Variants in SVIL observed in about 807,000 individuals in gnomAD.
SVIL encodes supervillin, also known as archvillin.
In SVIL, 101 loss-of-function variants were observed where a neutral mutation model predicts 240.4. That is an observed-to-expected ratio of 0.42 (90% CI 0.36 to 0.50). The LOEUF (loss-of-function observed/expected upper bound fraction) is 0.50. Among genes scored for constraint, SVIL ranks in the 20% least tolerant of loss-of-function variants. The pLI, the probability that SVIL is intolerant of heterozygous loss-of-function variation, is 0.01. For synonymous variants in SVIL, 999 were observed against 1,100.0 expected, an observed-to-expected ratio of 0.91 and a Z score of 1.82; for missense variants, 2,512 against 2,818.7, an observed-to-expected ratio of 0.89 and a Z score of 2.46.
At chr10:29,712,620 A>C (rs1256495281) in intron 1 of SVIL, among the ~76,000 whole-genome samples, 1 of 152,196 alleles carries the variant, frequency 6.6e-6, no homozygotes, top group Non-Finnish European at 1.5e-5. Flanking sequence ...TTATAGCAAC[A>C]CTAAAGGGAC....
At chr10:29,652,817 T>C (rs1958880866) in intron 3 of SVIL, among the ~76,000 whole-genome samples, 1 of 152,198 alleles carries the variant, frequency 6.6e-6, no homozygotes, top group South Asian at 2.1e-4. Context: ...CTCATGTGCT[T>C]AATAGTTATT....
intron 1 of SVIL, among the ~76,000 whole-genome samples, chr10:29,691,468 C>A (rs1348259207): frequency 6.6e-6 from 1 of 152,168 alleles, no homozygotes; most frequent in Non-Finnish European, 1.5e-5. Flanking sequence ...ACCTGGGCCT[C>A]CCAAAGTGCT....
intron 1 of SVIL, among the ~76,000 whole-genome samples, chr10:29,714,259 C>T (rs1022928751): frequency 6.6e-5 from 10 of 152,132 alleles, no homozygotes; most frequent in Non-Finnish European, 1.0e-4. Context: ...CATCTCCATC[C>T]CGAGGGATTT....
At chr10:29,729,320 G>A (rs1185257864) in intron 1 of SVIL, among the ~76,000 whole-genome samples, 1 of 152,086 alleles carries the variant, frequency 6.6e-6, no homozygotes, top group Non-Finnish European at 1.5e-5. Flanking sequence ...GAATTTTGTA[G>A]CATCCCAAGA....
At chr10:29,502,409 GT>G (rs1440773034) in intron 17 of SVIL, among the ~76,000 whole-genome samples, 2 of 151,878 alleles carry the variant, frequency 1.3e-5, no homozygotes, top group Non-Finnish European at 2.9e-5. Flanking sequence ...TTATTGTCTT[GT>G]TTTTTTCCTT....
chr10:29,592,785 C>G (rs751164771), intron 1 of SVIL, among the ~76,000 whole-genome samples: 1 of 152,132 alleles, frequency 6.6e-6, no homozygotes, highest in Non-Finnish European at 1.5e-5. Flanking sequence ...TACACTGAGT[C>G]TAAACAAAAT....
intron 1 of SVIL, among the ~76,000 whole-genome samples, chr10:29,696,206 G>T (rs948026168): frequency 6.6e-6 from 1 of 151,820 alleles, no homozygotes; most frequent in Non-Finnish European, 1.5e-5. Flanking sequence ...CGCCAGCCTC[G>T]GCCTCCCGAG....
At chr10:29,609,886 C>T (rs1339762551) in intron 1 of SVIL, among the ~76,000 whole-genome samples, 2 of 152,208 alleles carry the variant, frequency 1.3e-5, no homozygotes, top group African/African-American at 2.4e-5. Flanking sequence ...AAGCTGAGCA[C>T]ATCTTACTGG....
intron 3 of SVIL, among the ~76,000 whole-genome samples, chr10:29,562,946 G>T (rs1253520872): frequency 6.6e-6 from 1 of 152,078 alleles, no homozygotes; most frequent in Non-Finnish European, 1.5e-5. Context: ...TGTCTCACCC[G>T]CCACACCCAG....
intron 33 of SVIL, among the ~76,000 whole-genome samples, chr10:29,467,475 G>GA (rs1945057555): frequency 6.6e-6 from 1 of 152,026 alleles, no homozygotes; most frequent in African/African-American, 2.4e-5. Context: ...CCCCTGGGAA[G>GA]AAAAAAACTG....
intron 1 of SVIL, among the ~76,000 whole-genome samples, chr10:29,631,381 T>C (rs993057937): frequency 6.6e-6 from 1 of 151,770 alleles, no homozygotes; most frequent in Non-Finnish European, 1.5e-5. Context: ...CGGTGGCTCA[T>C]GCCTGTAATC....
chr10:29,722,880 A>G (rs556734258), intron 1 of SVIL, among the ~76,000 whole-genome samples: 2 of 152,194 alleles, frequency 1.3e-5, no homozygotes, highest in Non-Finnish European at 2.9e-5. Flanking sequence ...CCCTGGAATC[A>G]GAAGATCTTG....
chr10:29,563,166 C>A, intron 3 of SVIL, 35 bp downstream of exon 3: 1 of 796,248 alleles, frequency 1.3e-6, no homozygotes, highest in South Asian at 5.7e-5. Context: ...TACGCATCTA[C>A]CCAGACATGG....
chr10:29,512,026 C>T (rs1181169932), intron 17 of SVIL, among the ~76,000 whole-genome samples: 2 of 152,206 alleles, frequency 1.3e-5, no homozygotes, highest in Non-Finnish European at 2.9e-5. Context: ...TGCATCATTT[C>T]GCCTCCAGCC....
At chr10:29,534,864 G>A (rs912196624) in intron 7 of SVIL, among the ~76,000 whole-genome samples, 1 of 152,168 alleles carries the variant, frequency 6.6e-6, no homozygotes, top group African/African-American at 2.4e-5. Flanking sequence ...CTTATTTTTG[G>A]TTTTTGAAGT....
intron 1 of SVIL, among the ~76,000 whole-genome samples, chr10:29,694,042 C>G (rs1235683847): frequency 6.6e-6 from 1 of 152,000 alleles, no homozygotes; most frequent in South Asian, 2.1e-4. Flanking sequence ...CCAGTGTCCT[C>G]TCCCATCCCA....
rs1223527801 is a variant in SVIL, at chr10:29,493,224, A to G, written c.4009T>C (p.Tyr1337His). Residue 1337 changes from tyrosine to histidine, a missense_variant, in exon 21 of 38, where the codon TAT becomes CAT. Physicochemically the swap from Tyr to His is moderately conservative, Grantham distance 83 (BLOSUM62 2). Transcript: ENST00000355867. ...ACCCAAATAACTCACTTGGGTGCAT[A>G]AGGATCGAAAATGACATCGAAGTCC... is the stretch of plus-strand genomic sequence containing the variant. ...DEDFDVIFDP[Y>H]APKLTSSVAE... The G allele has an allele frequency of 6.2e-7, 1 of 1,614,018 alleles. No homozygotes were observed. The highest frequency in any genetic ancestry group is 1.1e-5 in the South Asian group (1 of 91,056).
Position 29,478,307 on chromosome 10 carries a change from A to G in SVIL, c.5377+2230T>C, listed in dbSNP as rs1946428663. Among the ~76,000 whole-genome samples, 6 of 152,214 alleles carry G rather than the reference A, an allele frequency of 3.9e-5. No homozygotes were observed. The South Asian group carries it at 1.2e-3, about 32-fold the overall frequency. ...TTATTGTTTTGGGGAGATCCACATT[A>G]TCTTGTCTTCAAGTTAAAAACAGTA... On this transcript the variant is annotated intron_variant, in intron 29 of 37. Coordinates refer to ENST00000355867, the MANE Select transcript of SVIL (RefSeq NM_021738.3).
chr10:29,626,922 G>A (rs1359423613), intron 1 of SVIL, among the ~76,000 whole-genome samples: 1 of 152,160 alleles, frequency 6.6e-6, no homozygotes, highest in African/African-American at 2.4e-5. Flanking sequence ...TAGTCAGGAG[G>A]CTGAGGCAGG....
Sources: gnomAD v4.1 joint callset for allele counts (sites outside exome capture counted in the v4.1 genomes callset) on GRCh38, gnomAD v4.1.1 for gene constraint, MANE v1.5 for transcripts, NCBI Gene and HGNC (gene_info 2026-07-23, HGNC 2026-07-21) for gene names.